The following OTUD7A variants were observed in gnomAD, a reference collection of about 807,000 sequenced individuals.
The protein encoded by OTUD7A is OTU deubiquitinase 7A, also known as OTU domain-containing protein 7A.
Under a neutral mutation model 65.7 loss-of-function variants are expected in OTUD7A, and 12 were observed. That is an observed-to-expected ratio of 0.18 (90% CI 0.12 to 0.30). The LOEUF is 0.30. OTUD7A is among the 10% of genes least tolerant of loss of function. The pLI, the probability that OTUD7A is intolerant of heterozygous loss-of-function variation, is 1.00. For synonymous variants in OTUD7A, 641 were observed against 586.3 expected, an observed-to-expected ratio of 1.09 and a Z score of -1.35; for missense variants, 1,148 against 1,304.8, an observed-to-expected ratio of 0.88 and a Z score of 1.85.
intron 1 of OTUD7A, among the ~76,000 whole-genome samples, chr15:31,785,889 G>T (rs1895660357): frequency 6.6e-6 from 1 of 152,204 alleles, no homozygotes; most frequent in African/African-American, 2.4e-5. Context: ...TGGTGCTATG[G>T]TTTGAATGTC....
intron 1 of OTUD7A, among the ~76,000 whole-genome samples, chr15:31,774,911 G>A (rs1023562719): frequency 1.3e-5 from 2 of 149,222 alleles, no homozygotes; most frequent in African/African-American, 4.9e-5. Flanking sequence ...TGGGGGTCAG[G>A]CCATCTCATC....
chr15:31,595,388 A>T (rs1889872666), intron 3 of OTUD7A, among the ~76,000 whole-genome samples: 1 of 152,220 alleles, frequency 6.6e-6, no homozygotes, highest in South Asian at 2.1e-4. Flanking sequence ...CGTTGCTGCA[A>T]ATGACAGGGT....
At position 31,484,806 on chromosome 15, in the gene OTUD7A, T is replaced by C. The variant is rs2041211889; in HGVS notation, c.1372-82A>G. 3.3e-6 allele frequency: 5 copies of C among 1,510,890 alleles called. No homozygotes were observed. Among genetic ancestry groups the C allele is most frequent in the Middle Eastern group, 1.8e-4 (1 of 5,414 alleles). 93.6% of individuals were successfully genotyped at this position (1,510,890 alleles called of 1,614,324 possible). ...CAGCGAGGAAGACACACCTTGCCCC[T>C]GTGTTGCCGAGGCTAGGGCCCTGGA... On this transcript the variant is annotated intron_variant, in intron 12 of 12. Coordinates refer to ENST00000307050, the MANE Select transcript of OTUD7A (RefSeq NM_001382637.1). The surrounding 1 kb of genome is among the most constrained non-coding windows in gnomAD (Gnocchi z 4.5).
intron 7 of OTUD7A, 123 bp downstream of exon 7, chr15:31,527,058 G>T: frequency 7.2e-7 from 1 of 1,389,932 alleles, no homozygotes; most frequent in Non-Finnish European, 9.7e-7. Flanking sequence ...GATCCCAGGG[G>T]CTGTTTCTGC....
chr15:31,855,141 T>C (rs1353616547), intron 1 of OTUD7A, among the ~76,000 whole-genome samples: 1 of 151,740 alleles, frequency 6.6e-6, no homozygotes, highest in African/African-American at 2.4e-5. Context: ...AACTGACTTA[T>C]CTCTGTCAAT....
chr15:31,751,067 T>C (rs1021884675), intron 1 of OTUD7A, among the ~76,000 whole-genome samples: 1 of 152,022 alleles, frequency 6.6e-6, no homozygotes, highest in African/African-American at 2.4e-5. Flanking sequence ...AAAACTAAAA[T>C]TGACAAGTGG....
intron 1 of OTUD7A, among the ~76,000 whole-genome samples, chr15:31,708,354 G>T (rs1447504152): frequency 6.6e-6 from 1 of 151,376 alleles, no homozygotes; most frequent in Non-Finnish European, 1.5e-5. Flanking sequence ...CACAGTGTTA[G>T]GATTTTATTC....
chr15:31,535,052 T>C (rs765029452), intron 5 of OTUD7A, among the ~76,000 whole-genome samples: 11 of 152,248 alleles, frequency 7.2e-5, no homozygotes, highest in Non-Finnish European at 1.2e-4. Flanking sequence ...CATACTTTGC[T>C]GTTGGGATTG....
intron 3 of OTUD7A, among the ~76,000 whole-genome samples, chr15:31,592,935 A>ATATATG (rs1566935124): frequency 1.1e-5 from 1 of 95,098 alleles, no homozygotes; most frequent in African/African-American, 6.1e-5. Context: ...ATATATATAT[A>ATATATG]TGTATATATA....
At chr15:31,640,838 A>ATGTGTGTGTATG (rs938187551) in intron 3 of OTUD7A, among the ~76,000 whole-genome samples, 4 of 151,970 alleles carry the variant, frequency 2.6e-5, no homozygotes, top group African/African-American at 9.6e-5. Context: ...CTTTGTGCAT[A>ATGTGTGTGTATG]TGTGTGTGTA....
chr15:31,594,461 C>T (rs550815596), intron 3 of OTUD7A, among the ~76,000 whole-genome samples: 72 of 152,286 alleles, frequency 4.7e-4, no homozygotes, highest in African/African-American at 1.4e-3. Context: ...GAAGTCCACT[C>T]GCTTCCTTCC....
chr15:31,567,100 CAGA>C (rs1011596498), intron 4 of OTUD7A, among the ~76,000 whole-genome samples: 4 of 152,164 alleles, frequency 2.6e-5, no homozygotes, highest in Non-Finnish European at 4.4e-5. Context: ...CTGGAGGATT[CAGA>C]AGAAGACAGC....
Position 31,620,876 on chromosome 15 carries a change from T to C in OTUD7A, c.151+34220A>G, listed in dbSNP as rs560462634. Among the ~76,000 whole-genome samples, 2 of 109,312 alleles carry C rather than the reference T, an allele frequency of 1.8e-5. 1 individual carries two copies. The highest frequency in any genetic ancestry group is 1.2e-4 in the African/African-American group (2 of 17,232). 71.7% of individuals were successfully genotyped at this position (109,312 alleles called of 152,430 possible). On this transcript the variant is annotated intron_variant, in intron 3 of 12. Transcript: ENST00000307050. The stretch of plus-strand genomic sequence containing the variant: ...GTGACGTTAGGGTGTCGATTTTGGA[T>C]CTTTCCTGCTTTCTCTTGTGGGCAT...
intron 1 of OTUD7A, among the ~76,000 whole-genome samples, chr15:31,694,668 C>T (rs1227233704): frequency 2.0e-5 from 3 of 152,154 alleles, no homozygotes; most frequent in Non-Finnish European, 4.4e-5. Flanking sequence ...TCTCTGCTTC[C>T]GTGAGTTCAC....
intron 1 of OTUD7A, among the ~76,000 whole-genome samples, chr15:31,839,068 A>C (rs1026748095): frequency 2.6e-5 from 4 of 152,312 alleles, no homozygotes; most frequent in African/African-American, 9.6e-5. Context: ...GGCACTCCAT[A>C]GGGACAGCTG....
chr15:31,755,218 T>C (rs1463009612), intron 1 of OTUD7A, among the ~76,000 whole-genome samples: 5 of 151,616 alleles, frequency 3.3e-5, no homozygotes, highest in Admixed American at 3.3e-4. Context: ...AGGGGGAAAG[T>C]GAGGAAGTAT....
intron 4 of OTUD7A, among the ~76,000 whole-genome samples, chr15:31,561,781 G>C (rs1293746933): frequency 2.4e-5 from 2 of 82,522 alleles, no homozygotes; most frequent in Non-Finnish European, 4.4e-5. Flanking sequence ...CACACACACA[G>C]AGTCACACAC....
intron 9 of OTUD7A, among the ~76,000 whole-genome samples, chr15:31,502,663 C>T: frequency 6.6e-6 from 1 of 152,232 alleles, no homozygotes; most frequent in South Asian, 2.1e-4. Context: ...CTGTGAGTAG[C>T]ATGGTAGGAA....
At chr15:31,719,556 C>T (rs1196545901) in intron 1 of OTUD7A, among the ~76,000 whole-genome samples, 2 of 152,198 alleles carry the variant, frequency 1.3e-5, no homozygotes, top group Non-Finnish European at 2.9e-5. Flanking sequence ...CCTCTTGGCA[C>T]TGTTCCTCTG....
Sources: gnomAD v4.1 joint callset for allele counts (sites outside exome capture counted in the v4.1 genomes callset) on GRCh38, gnomAD v4.1.1 for gene constraint, Gnocchi (gnomAD v3.1) non-coding constraint, MANE v1.5 for transcripts, NCBI Gene and HGNC (gene_info 2026-07-23, HGNC 2026-07-21) for gene names.